MCRIP1: variants seen among roughly 807,000 people sequenced by gnomAD.
The protein encoded by MCRIP1 is MAPK regulated corepressor interacting protein 1, also known as mapk-regulated corepressor-interacting protein 1.
In MCRIP1, 10 loss-of-function variants were observed where a neutral mutation model predicts 14.4. The observed-to-expected ratio is 0.70, with a 90% CI of 0.43 to 1.18. The LOEUF (loss-of-function observed/expected upper bound fraction) is 1.18. Among genes scored for constraint, MCRIP1 ranks in the 50% most tolerant of loss-of-function variants. The pLI is 0.00. For synonymous variants in MCRIP1, 53 were observed against 55.7 expected (o/e 0.95, Z 0.21); for missense variants, 119 against 135.4 (o/e 0.88, Z 0.60).
At chr17:81,827,398 A>G (rs903032724) in intron 1 of MCRIP1, among the ~76,000 whole-genome samples, 31 of 151,270 alleles carry the variant, frequency 2.0e-4, no homozygotes, top group African/African-American at 7.5e-4. Context: ...CAGCCTCCCA[A>G]GTGGCTGGGA....
intron 1 of MCRIP1, chr17:81,826,220 T>C: frequency 6.6e-7 from 1 of 1,523,508 alleles, no homozygotes. Context: ...CCCTTTGCCT[T>C]GTGTGCACAC....
chr17:81,823,238 C>G lies in MCRIP1; in HGVS notation c.*9G>C, dbSNP rs1471034350. On this transcript the variant is annotated 3_prime_UTR_variant, in exon 5 of 5. Coordinates refer to ENST00000455127, the MANE Select transcript of MCRIP1 (RefSeq NM_207368.5). The surrounding 1 kb of genome is among the most constrained non-coding windows in gnomAD (Gnocchi z 6.0). ...ATCTTCCGGAGGCCGGGGAGGGGCA[C>G]CGGGCGCTCTAGGACTTCTTGGCAT... 6.5e-7 allele frequency: 1 copy of G among 1,536,188 alleles called. No homozygotes were observed. The highest frequency in any genetic ancestry group is 1.2e-5 in the South Asian group (1 of 84,048).
Position 81,823,593 on chromosome 17 carries a change from G to C in MCRIP1, c.128-80C>G. On this transcript the variant is annotated intron_variant, in intron 3 of 4. Coordinates refer to ENST00000455127, the MANE Select transcript of MCRIP1 (RefSeq NM_207368.5). This position sits in a 1 kb window ranked among gnomAD's most constrained non-coding sequence, Gnocchi z 6.0. ...CACGTCACGAGAGTGCCTGCCCTCA[G>C]CTCCTGCCCTCCCAGATCCTCTTCT... The C allele has an allele frequency of 8.6e-7, 1 of 1,159,576 alleles. No individual in the cohort carries two copies. Among genetic ancestry groups the C allele is most frequent in the Non-Finnish European group, 1.2e-6 (1 of 810,962 alleles). The allele number at this position is 1,159,576 out of a possible 1,614,324, so 71.8% of individuals were successfully genotyped here. A position where few individuals can be genotyped will look rare whatever the true frequency, so the allele number is the denominator to read the frequency against.
intron 1 of MCRIP1, chr17:81,826,758 C>A (rs560404440): frequency 5.3e-6 from 1 of 187,846 alleles, no homozygotes; most frequent in Non-Finnish European, 1.0e-5. Flanking sequence ...GGTGGAGGTG[C>A]AGTGAGCCAA....
At chr17:81,831,400 C>T (rs774831197) in intron 1 of MCRIP1, among the ~76,000 whole-genome samples, 201 of 126,680 alleles carry the variant, frequency 1.6e-3, no homozygotes, top group Non-Finnish European at 2.7e-3. Context: ...GCTCTCTGCC[C>T]TCAAAAAAAA....
At chr17:81,832,895 C>T (rs1446688947) in intron 1 of MCRIP1, among the ~76,000 whole-genome samples, 1 of 152,224 alleles carries the variant, frequency 6.6e-6, no homozygotes, top group Admixed American at 6.5e-5. Context: ...GGGGCTCTGT[C>T]AGCCCCAAAG....
chr17:81,830,089 C>T (rs892546103), intron 1 of MCRIP1, among the ~76,000 whole-genome samples: 3 of 152,096 alleles, frequency 2.0e-5, no homozygotes, highest in African/African-American at 7.3e-5. Flanking sequence ...CTTCCGTGGC[C>T]GTCCAGCCTA....
intron 1 of MCRIP1, among the ~76,000 whole-genome samples, chr17:81,827,661 G>A (rs2038435928): frequency 2.0e-5 from 3 of 151,850 alleles, no homozygotes; most frequent in Non-Finnish European, 2.9e-5. Context: ...GGTGGAGGCT[G>A]TGGTGAGCCA....
intron 1 of MCRIP1, among the ~76,000 whole-genome samples, chr17:81,830,555 T>C (rs1263709553): frequency 6.6e-6 from 1 of 152,036 alleles, no homozygotes; most frequent in Non-Finnish European, 1.5e-5. Context: ...GAGAATCGCT[T>C]GAACCCGGGA....
intron 1 of MCRIP1, chr17:81,825,711 A>G (rs1210832948): frequency 5.4e-6 from 7 of 1,289,258 alleles, no homozygotes; most frequent in Non-Finnish European, 7.1e-6. Context: ...GCCCCATCCC[A>G]GGCCAGGAGT....
At chr17:81,826,498 A>T in intron 1 of MCRIP1, 1 of 771,726 alleles carries the variant, frequency 1.3e-6, no homozygotes, top group Non-Finnish European at 2.1e-6. Flanking sequence ...ACTCCAGCCC[A>T]GGCAACAGAG....
chr17:81,824,848 G>A, intron 1 of MCRIP1: 1 of 1,295,496 alleles, frequency 7.7e-7, no homozygotes, highest in Non-Finnish European at 9.8e-7. Flanking sequence ...CTCAGACGTG[G>A]AGGCCTCAGC....
chr17:81,828,208 C>T (rs1482755278), intron 1 of MCRIP1, among the ~76,000 whole-genome samples: 1 of 152,126 alleles, frequency 6.6e-6, no homozygotes, highest in Non-Finnish European at 1.5e-5. Context: ...AAGAGCCCTT[C>T]CCACCTCTCC....
At chr17:81,825,286 A>C in intron 1 of MCRIP1, 1 of 1,096,410 alleles carries the variant, frequency 9.1e-7, no homozygotes. Flanking sequence ...CTCTGGAAAA[A>C]TGGAGTCTAT....
rs571690107 is a variant in MCRIP1 at position 81,828,031 on chromosome 17, C to T, written c.-48-3477G>A. Among the ~76,000 whole-genome samples, 37 of 151,858 alleles carry T rather than the reference C, an allele frequency of 2.4e-4. No homozygotes were observed. In the South Asian group the frequency reaches 4.8e-3, roughly 20 times the overall value. ...TCCTGACCTCGTGATCCATCTGCTT[C>T]GGCCTCCCAAAGTGCTGAGATTACA... On this transcript the variant is annotated intron_variant, in intron 1 of 4. Transcript: ENST00000455127.
chr17:81,823,229 G>A lies in MCRIP1; in HGVS notation c.*18C>T, dbSNP rs2038308472. The stretch of plus-strand genomic sequence containing the variant: ...CGCACCCTGATCTTCCGGAGGCCGG[G>A]GAGGGGCACCGGGCGCTCTAGGACT... On this transcript the variant is annotated 3_prime_UTR_variant, in exon 5 of 5. Coordinates refer to ENST00000455127, the MANE Select transcript of MCRIP1 (RefSeq NM_207368.5). The surrounding 1 kb of genome is among the most constrained non-coding windows in gnomAD (Gnocchi z 6.0). 5 of 1,535,722 alleles carry A rather than the reference G, an allele frequency of 3.3e-6. No individual in the cohort carries two copies. Among genetic ancestry groups the A allele is most frequent in the African/African-American group, 1.4e-5 (1 of 72,996 alleles).
chr17:81,826,639 G>C, intron 1 of MCRIP1: 1 of 488,390 alleles, frequency 2.0e-6, no homozygotes, highest in Non-Finnish European at 3.6e-6. Flanking sequence ...GGCGAACATG[G>C]TGAAACCCTG....
intron 1 of MCRIP1, among the ~76,000 whole-genome samples, chr17:81,827,333 G>A (rs1460491654): frequency 2.0e-5 from 3 of 151,046 alleles, no homozygotes; most frequent in South Asian, 2.1e-4. Flanking sequence ...GTGCAGTGGC[G>A]CCATCTTGGC....
At chr17:81,826,428 T>TGGG (rs1293935303) in intron 1 of MCRIP1, 1 of 1,497,486 alleles carries the variant, frequency 6.7e-7, no homozygotes, top group Admixed American at 2.0e-5. Flanking sequence ...GAGGCTGGGG[T>TGGG]GGGAGGACTG....
Sources: gnomAD v4.1 joint callset for allele counts (sites outside exome capture counted in the v4.1 genomes callset) on GRCh38, gnomAD v4.1.1 for gene constraint, Gnocchi (gnomAD v3.1) non-coding constraint, MANE v1.5 for transcripts, NCBI Gene and HGNC (gene_info 2026-07-23, HGNC 2026-07-21) for gene names.